Variants in CRACD observed in about 807,000 individuals in gnomAD.
CRACD encodes capping protein-inhibiting regulator of actin dynamics.
CRACD carries 56 observed loss-of-function variants against 106.8 expected under a neutral mutation model. The observed-to-expected ratio is 0.52, with a 90% CI of 0.42 to 0.66. The LOEUF (loss-of-function observed/expected upper bound fraction) is 0.66. CRACD is among the 30% of genes least tolerant of loss of function. The pLI is 0.00. For missense variants in CRACD, 1,730 were observed against 1,623.2 expected, an observed-to-expected ratio of 1.07 and a Z score of -1.13; for synonymous variants, 754 against 670.8, an observed-to-expected ratio of 1.12 and a Z score of -1.92.
intron 2 of CRACD, among the ~76,000 whole-genome samples, chr4:56,263,879 A>G (rs1437513959): frequency 6.6e-6 from 1 of 152,170 alleles, no homozygotes; most frequent in African/African-American, 2.4e-5. Context: ...GTAGAATTTC[A>G]TCACGTTGAG....
chr4:56,288,291 A>G (rs1457228836), intron 3 of CRACD, among the ~76,000 whole-genome samples: 3 of 151,882 alleles, frequency 2.0e-5, no homozygotes, highest in African/African-American at 7.3e-5. Flanking sequence ...GTTTGTTACA[A>G]GGGTATATTA....
chr4:56,315,377 G>A lies in CRACD; in HGVS notation c.1875G>A (p.Glu625=). The stretch of plus-strand genomic sequence containing the variant: ...CGTGCAAGTCCCTCCTGGGCTTGGA[G>A]GAGAAGAAGCACGCGGAAGCCCCAG... ...DTACKSLLGL[E]EKKHAEAPAG... Residue 625 remains glutamate, a synonymous_variant, in exon 8 of 11, where the codon GAG becomes GAA. Coordinates refer to ENST00000682029, the MANE Select transcript of CRACD (RefSeq NM_001393381.1). The surrounding 1 kb of genome is among the most constrained non-coding windows in gnomAD (Gnocchi z 4.1). 6.2e-7 allele frequency: 1 copy of A among 1,613,394 alleles called. No individual in the cohort carries two copies. Among genetic ancestry groups the A allele is most frequent in the Non-Finnish European group, 8.5e-7 (1 of 1,179,890 alleles).
chr4:56,252,815 C>A (rs1411428064), intron 2 of CRACD, among the ~76,000 whole-genome samples: 1 of 152,204 alleles, frequency 6.6e-6, no homozygotes. Flanking sequence ...CTCTTTGCAT[C>A]ATTGGCTCAT....
chr4:56,189,930 T>C (rs1307890370), intron 2 of CRACD, among the ~76,000 whole-genome samples: 2 of 149,226 alleles, frequency 1.3e-5, no homozygotes, highest in Non-Finnish European at 3.0e-5. Context: ...TAACTCATCA[T>C]CTAGCATTAG....
chr4:56,234,297 C>A (rs1739828255), intron 2 of CRACD, among the ~76,000 whole-genome samples: 1 of 152,108 alleles, frequency 6.6e-6, no homozygotes, highest in Non-Finnish European at 1.5e-5. Flanking sequence ...TGTTTTCTGT[C>A]CCCTGGTTTT....
intron 1 of CRACD, among the ~76,000 whole-genome samples, chr4:56,072,484 A>G (rs1732693693): frequency 6.6e-6 from 1 of 152,342 alleles, no homozygotes; most frequent in South Asian, 2.1e-4. Flanking sequence ...TTATTGAGAT[A>G]TAATTCACAC....
At chr4:56,152,133 C>A (rs1330327889) in intron 1 of CRACD, among the ~76,000 whole-genome samples, 3 of 151,454 alleles carry the variant, frequency 2.0e-5, no homozygotes, top group Non-Finnish European at 4.4e-5. Context: ...CCTCAGCCTC[C>A]CGAGTAGCTG....
chr4:56,226,405 A>G (rs1224928667), intron 2 of CRACD, among the ~76,000 whole-genome samples: 2 of 152,170 alleles, frequency 1.3e-5, no homozygotes, highest in African/African-American at 2.4e-5. Flanking sequence ...ACGCAGATAC[A>G]AGAACTATGA....
rs1560537929 is a variant in CRACD at position 56,315,764 on chromosome 4, C to T, written c.2262C>T (p.Ser754=). ...GAAAAAGACCCATGCTGGGACCCAG[C>T]GAAGAGACAGCCCCCCAGCCTCCTC... The part of the protein sequence containing the change: ...SIRKRPMLGP[S]EETAPQPPPA... Residue 754 remains serine, a synonymous_variant, in exon 8 of 11, where the codon AGC becomes AGT. Transcript: ENST00000682029. This position sits in a 1 kb window ranked among gnomAD's most constrained non-coding sequence, Gnocchi z 4.1. 1 of 1,614,200 alleles carries T rather than the reference C, an allele frequency of 6.2e-7. No individual in the cohort carries two copies. Among genetic ancestry groups the T allele is most frequent in the African/African-American group, 1.3e-5 (1 of 75,054 alleles).
intron 1 of CRACD, among the ~76,000 whole-genome samples, chr4:56,081,919 G>C (rs577949118): frequency 2.2e-4 from 34 of 152,164 alleles, no homozygotes; most frequent in African/African-American, 8.2e-4. Flanking sequence ...AAGTTGGAGT[G>C]AGCTGAGATT....
chr4:56,263,053 C>A (rs1038731365), intron 2 of CRACD, among the ~76,000 whole-genome samples: 1 of 152,006 alleles, frequency 6.6e-6, no homozygotes, highest in Non-Finnish European at 1.5e-5. Flanking sequence ...CCCTGGGAGA[C>A]CCAGGGAACT....
intron 3 of CRACD, among the ~76,000 whole-genome samples, chr4:56,285,806 A>G (rs528454392): frequency 6.6e-6 from 1 of 152,232 alleles, no homozygotes; most frequent in South Asian, 2.1e-4. Context: ...GGTAGGTCCT[A>G]TTATTATCCC....
At chr4:56,322,978 G>A (rs377521805) in intron 8 of CRACD, among the ~76,000 whole-genome samples, 8 of 152,170 alleles carry the variant, frequency 5.3e-5, no homozygotes, top group African/African-American at 1.9e-4. Context: ...GCAATGTGCC[G>A]AGATTGCACC....
chr4:56,157,407 T>C (rs1435271967), intron 1 of CRACD, among the ~76,000 whole-genome samples: 1 of 152,186 alleles, frequency 6.6e-6, no homozygotes, highest in Admixed American at 6.5e-5. Context: ...AGCACCTAAC[T>C]TGATTCCTAA....
In CRACD at chr4:56,280,451, T is replaced by G. The variant is rs368649644; in HGVS notation, c.-17+7959T>G. On this transcript the variant is annotated intron_variant, in intron 3 of 10. Coordinates refer to ENST00000682029, the MANE Select transcript of CRACD (RefSeq NM_001393381.1). ...CTTGAGTTTTCTGCACAAATGTGCC[T>G]TCCTTAGGAGAGCAAGCTTTCTTTG... 3.3e-5 allele frequency among the ~76,000 whole-genome samples: 5 copies of G among 152,316 alleles called. No homozygotes were observed. In the East Asian group the frequency reaches 9.7e-4, roughly 29 times the overall value.
chr4:56,159,441 G>GA (rs1399171969), intron 1 of CRACD, among the ~76,000 whole-genome samples: 1 of 152,110 alleles, frequency 6.6e-6, no homozygotes, highest in South Asian at 2.1e-4. Flanking sequence ...ACGAGGTCAG[G>GA]AGATTGAGAC....
chr4:56,089,861 G>A (rs1733361254), intron 1 of CRACD, among the ~76,000 whole-genome samples: 1 of 152,086 alleles, frequency 6.6e-6, no homozygotes, highest in Non-Finnish European at 1.5e-5. Context: ...AATTGTTCCA[G>A]GTGCTTACCT....
chr4:56,184,935 T>A (rs185572730), intron 2 of CRACD, among the ~76,000 whole-genome samples: 11 of 152,284 alleles, frequency 7.2e-5, no homozygotes, highest in African/African-American at 2.2e-4. Context: ...AAGTGAACAA[T>A]TCAGTGGCAT....
At chr4:56,167,079 T>C (rs1736182055) in intron 1 of CRACD, among the ~76,000 whole-genome samples, 1 of 152,200 alleles carries the variant, frequency 6.6e-6, no homozygotes, top group South Asian at 2.1e-4. Flanking sequence ...GTGGGTAATA[T>C]TTTTCACTTC....
Sources: gnomAD v4.1 joint callset for allele counts (sites outside exome capture counted in the v4.1 genomes callset) on GRCh38, gnomAD v4.1.1 for gene constraint, Gnocchi (gnomAD v3.1) non-coding constraint, MANE v1.5 for transcripts, NCBI Gene and HGNC (gene_info 2026-07-23, HGNC 2026-07-21) for gene names.